DPY19L3: variants seen among roughly 807,000 people sequenced by gnomAD.
DPY19L3 encodes dpy-19 like C-mannosyltransferase 3, also known as protein C-mannosyl-transferase DPY19L3.
Under a neutral mutation model 92.3 loss-of-function variants are expected in DPY19L3, and 51 were observed. The ratio of observed to expected loss-of-function variants is 0.55; its 90% confidence interval spans 0.44 to 0.70. DPY19L3 has a LOEUF of 0.70. Among genes scored for constraint, DPY19L3 ranks in the 30% least tolerant of loss-of-function variants. DPY19L3 has a pLI of 0.00. For missense variants in DPY19L3, 706 were observed against 855.9 expected (o/e 0.82, Z 2.18); for synonymous variants, 309 against 315.2 (o/e 0.98, Z 0.21).
chr19:32,464,080 A>T, intron 14 of DPY19L3, 100 bp downstream of exon 14: 1 of 583,950 alleles, frequency 1.7e-6, no homozygotes, highest in Non-Finnish European at 3.0e-6. Flanking sequence ...TAAAATGGAT[A>T]CTGAAATTGA....
intron 8 of DPY19L3, among the ~76,000 whole-genome samples, chr19:32,448,606 A>C (rs1259919372): frequency 6.6e-6 from 1 of 152,234 alleles, no homozygotes; most frequent in African/African-American, 2.4e-5. Flanking sequence ...AGGAAGAGAA[A>C]ATATACTTAC....
At chr19:32,480,912 C>T (rs1030565903) in intron 18 of DPY19L3, 13 of 426,476 alleles carry the variant, frequency 3.0e-5, no homozygotes, top group African/African-American at 4.1e-5. Context: ...TCCAACGCTT[C>T]GTATTGGCTA....
intron 3 of DPY19L3, among the ~76,000 whole-genome samples, chr19:32,428,329 G>GT (rs200434890): frequency 6.6e-5 from 10 of 151,098 alleles, no homozygotes; most frequent in Middle Eastern, 3.4e-3. Flanking sequence ...GAGTTGTTTT[G>GT]TTTTTTTTAA....
At chr19:32,431,755 G>A (rs1472913154) in intron 3 of DPY19L3, among the ~76,000 whole-genome samples, 1 of 152,174 alleles carries the variant, frequency 6.6e-6, no homozygotes, top group Non-Finnish European at 1.5e-5. Flanking sequence ...AAACAAAGGT[G>A]TCACTATCTC....
Position 32,463,927 on chromosome 19 carries a change from C to T in DPY19L3, c.1504C>T (p.Pro502Ser), listed in dbSNP as rs1970122781. ...GTTCGCATCATTCGGCCTATGTAGC[C>T]CTGAAATATGGGAGTTACTTCTGAA... ...CVFASFGLCS[P>S]EIWELLLKSV... The change falls in exon 14 of 19, where the codon CCT becomes TCT. Residue 502 changes from proline (P) to serine (S), a missense_variant. Pro to Ser is a moderately conservative substitution (Grantham distance 74). Transcript: ENST00000392250. 1.2e-6 allele frequency: 2 copies of T among 1,613,482 alleles called. No individual in the cohort carries two copies. Among genetic ancestry groups the T allele is most frequent in the Non-Finnish European group, 1.7e-6 (2 of 1,179,570 alleles).
At chr19:32,439,260 A>G in intron 7 of DPY19L3, 25 bp downstream of exon 7, 2 of 1,600,476 alleles carry the variant, frequency 1.2e-6, no homozygotes, top group Non-Finnish European at 1.7e-6. Flanking sequence ...AATTTCATAT[A>G]TTTTAATCCC....
intron 9 of DPY19L3, 47 bp from the exon 10 acceptor site, chr19:32,454,892 G>C (rs1373040185): frequency 8.0e-7 from 1 of 1,250,704 alleles, no homozygotes; most frequent in South Asian, 1.3e-5. Flanking sequence ...TGTTTATGAA[G>C]TTATATTAAA....
intron 8 of DPY19L3, among the ~76,000 whole-genome samples, chr19:32,443,214 A>G (rs914830826): frequency 6.6e-6 from 1 of 152,190 alleles, no homozygotes; most frequent in Non-Finnish European, 1.5e-5. Context: ...GCCTTCACCC[A>G]GCAATAAGGA....
At chr19:32,478,287 C>T (rs1489536833) in intron 17 of DPY19L3, among the ~76,000 whole-genome samples, 1 of 152,158 alleles carries the variant, frequency 6.6e-6, no homozygotes, top group Non-Finnish European at 1.5e-5. Flanking sequence ...GGCCACAGGT[C>T]CTCCCCAGGG....
intron 16 of DPY19L3, among the ~76,000 whole-genome samples, chr19:32,476,528 CAAAAAAAAAAA>C (rs71176126): frequency 1.4e-4 from 13 of 93,320 alleles, no homozygotes; most frequent in African/African-American, 3.5e-4. Context: ...CTCAGGTTTC[CAAAAAAAAAAA>C]AAAAAAAAAG....
intron 8 of DPY19L3, among the ~76,000 whole-genome samples, chr19:32,451,015 GT>G (rs770907837): frequency 5.9e-5 from 9 of 152,082 alleles, no homozygotes; most frequent in Non-Finnish European, 1.3e-4. Flanking sequence ...ATTCTTTAAG[GT>G]GCTGGGGATA....
intron 8 of DPY19L3, among the ~76,000 whole-genome samples, chr19:32,441,964 T>G (rs756420441): frequency 7.9e-5 from 12 of 152,166 alleles, no homozygotes; most frequent in Non-Finnish European, 1.5e-4. Flanking sequence ...GTATCAGACT[T>G]TAAGGAGGAA....
intron 5 of DPY19L3, 116 bp downstream of exon 5, chr19:32,436,683 C>CGGCCGGGCGCGGTGGCTCACGCCTGT: frequency 2.1e-6 from 2 of 938,244 alleles, no homozygotes; most frequent in Non-Finnish European, 3.0e-6. Flanking sequence ...AGAAAATCAG[C>CGGCCGGGCGCGGTGGCTCACGCCTGT]AATACTATAT....
intron 3 of DPY19L3, among the ~76,000 whole-genome samples, chr19:32,428,370 C>T (rs561364195): frequency 4.6e-5 from 7 of 151,900 alleles, no homozygotes; most frequent in Admixed American, 1.3e-4. Flanking sequence ...ACTTCAGGAC[C>T]ATTGCGATAG....
At chr19:32,421,455 C>T (rs1968563920) in intron 3 of DPY19L3, among the ~76,000 whole-genome samples, 1 of 152,078 alleles carries the variant, frequency 6.6e-6, no homozygotes, top group Admixed American at 6.6e-5. Flanking sequence ...GCCTGGCCAA[C>T]ATGGCAAAAC....
chr19:32,452,367 G>A (rs1638852745), intron 8 of DPY19L3, among the ~76,000 whole-genome samples: 1 of 152,178 alleles, frequency 6.6e-6, no homozygotes, highest in South Asian at 2.1e-4. Flanking sequence ...GCAGCAGGAG[G>A]GGTTTGCAGT....
chr19:32,419,930 G>T (rs1276901194), intron 3 of DPY19L3, among the ~76,000 whole-genome samples: 3 of 148,414 alleles, frequency 2.0e-5, no homozygotes, highest in African/African-American at 7.5e-5. Context: ...CACAATTTTG[G>T]CTCACTGCAA....
At chr19:32,457,160 C>T (rs904726709) in intron 10 of DPY19L3, among the ~76,000 whole-genome samples, 5 of 152,084 alleles carry the variant, frequency 3.3e-5, no homozygotes, top group Admixed American at 1.3e-4. Flanking sequence ...TTTGACTCCC[C>T]GAAGAATAAC....
At chr19:32,425,924 T>C (rs1387742853) in intron 3 of DPY19L3, among the ~76,000 whole-genome samples, 2 of 152,218 alleles carry the variant, frequency 1.3e-5, no homozygotes, top group Admixed American at 1.3e-4. Flanking sequence ...CAGCCTATGC[T>C]CTGAAGCTTT....
Sources: allele counts gnomAD v4.1 joint callset (sites outside exome capture counted in the v4.1 genomes callset), GRCh38; gene constraint gnomAD v4.1.1; transcripts MANE v1.5; gene names NCBI Gene and HGNC (gene_info 2026-07-23, HGNC 2026-07-21).